Variants in FHL1 observed in about 807,000 individuals in gnomAD.
FHL1 encodes four and a half LIM domains protein 1.
A neutral mutation model predicts 20.3 loss-of-function variants in FHL1; 1 was observed. The observed-to-expected ratio is 0.05, with a 90% CI of 0.02 to 0.23. The LOEUF (loss-of-function observed/expected upper bound fraction) is 0.23. FHL1 is among the 10% of genes least tolerant of loss of function. The pLI, the probability that FHL1 is intolerant of heterozygous loss-of-function variation, is 1.00. For synonymous variants in FHL1, 82 were observed against 88.9 expected, an observed-to-expected ratio of 0.92 and a Z score of 0.44; for missense variants, 177 against 234.0, an observed-to-expected ratio of 0.76 and a Z score of 1.59.
At chrX:136,209,048 A>G in intron 5 of FHL1, 2 of 438,717 alleles carry the variant, frequency 4.6e-6, no homozygotes. Flanking sequence ...GCTAGTTCAG[A>G]GATGCCTGTT....
At chrX:136,174,388 T>A (rs2072948294) in intron 2 of FHL1, among the ~76,000 whole-genome samples, 1 of 111,697 alleles carries the variant, frequency 9.0e-6, no homozygotes, top group Non-Finnish European at 1.9e-5. Context: ...ACTTTGGTGC[T>A]TCTCACACTT....
upstream of FHL1, chrX:136,196,616 C>A (rs1050203642): frequency 2.4e-6 from 1 of 422,570 alleles, no homozygotes; most frequent in Non-Finnish European, 4.1e-6. Flanking sequence ...TTCATACTGT[C>A]TAATCTCCTT....
chrX:136,175,184 C>T (rs928248850), intron 2 of FHL1, among the ~76,000 whole-genome samples: 1 of 112,187 alleles, frequency 8.9e-6, no homozygotes, highest in Non-Finnish European at 1.9e-5. Flanking sequence ...GGGTAAAAGA[C>T]ACTCAAGTTA....
upstream of FHL1, chrX:136,196,768 C>T (rs758746511): frequency 3.5e-6 from 4 of 1,150,315 alleles, no homozygotes; most frequent in South Asian, 7.9e-5. Context: ...TTAAGCTATG[C>T]CAGAGCCGAG....
chrX:136,161,161 G>T (rs1603245830), intron 1 of FHL1, among the ~76,000 whole-genome samples: 2 of 111,711 alleles, frequency 1.8e-5, no homozygotes, highest in Admixed American at 1.9e-4. Flanking sequence ...TGGAAGGATT[G>T]GGGAGGTATA....
chrX:136,208,647 C>T lies in FHL1; in HGVS notation c.736+6C>T. 8.3e-7 allele frequency: 1 copy of T among 1,204,135 alleles called. No individual in the cohort carries two copies. The highest frequency in any genetic ancestry group is 1.1e-6 in the Non-Finnish European group (1 of 889,416). On this transcript the variant is annotated splice_donor_region_variant and intron_variant, in intron 5 of 5. Coordinates refer to ENST00000370683, the MANE Select transcript of FHL1 (RefSeq NM_001159699.2). ...ATGCAAGAACCCCATCACTGGTAGG[C>T]TAAAGAGTCCTTGCTAAGTCTGCCA... is the stretch of plus-strand genomic sequence containing the variant.
chrX:136,176,021 C>T (rs1052698280), intron 2 of FHL1, among the ~76,000 whole-genome samples: 2 of 112,115 alleles, frequency 1.8e-5, no homozygotes, highest in African/African-American at 3.2e-5. Context: ...GGTTCCAGTG[C>T]TCTAGTTCCT....
At chrX:136,157,157 A>C (rs969816405) in intron 1 of FHL1, among the ~76,000 whole-genome samples, 1 of 111,667 alleles carries the variant, frequency 9.0e-6, no homozygotes, top group Admixed American at 9.6e-5. Flanking sequence ...TTTCACCTAC[A>C]ACAATGAAAA....
At chrX:136,208,185 G>A (rs756105824) in intron 4 of FHL1, among the ~76,000 whole-genome samples, 4 of 112,246 alleles carry the variant, frequency 3.6e-5, no homozygotes, top group East Asian at 5.6e-4. Context: ...CGGGTGGCCC[G>A]TATGGCATGC....
intron 1 of FHL1, among the ~76,000 whole-genome samples, chrX:136,164,629 G>A (rs572722215): frequency 3.6e-5 from 4 of 111,564 alleles, no homozygotes; most frequent in African/African-American, 1.3e-4. Context: ...ATCCAGAAAT[G>A]GCTCACAGAA....
chrX:136,152,601 C>G (rs915305553), intron 1 of FHL1, among the ~76,000 whole-genome samples: 2 of 109,244 alleles, frequency 1.8e-5, no homozygotes, highest in Non-Finnish European at 3.8e-5. Flanking sequence ...TGCCTGTAAT[C>G]CCAGCTACTC....
At chrX:136,151,570 G>A (rs1226819017) in intron 1 of FHL1, among the ~76,000 whole-genome samples, 4 of 111,611 alleles carry the variant, frequency 3.6e-5, no homozygotes, top group African/African-American at 9.8e-5. Flanking sequence ...AGAATTAGCC[G>A]GGTGTGGTGG....
At chrX:136,171,782 G>A (rs750509054) in intron 2 of FHL1, among the ~76,000 whole-genome samples, 97 of 112,101 alleles carry the variant, frequency 8.7e-4, no homozygotes, top group African/African-American at 2.8e-3. Context: ...ACCAAAACTT[G>A]GTATCCTTGG....
At chrX:136,165,164 C>T (rs968235117), upstream of FHL1, among the ~76,000 whole-genome samples, 6 of 111,604 alleles carry the variant, frequency 5.4e-5, no homozygotes, top group Admixed American at 9.6e-5. Flanking sequence ...TGGTAATATC[C>T]TTCCAGTTTT....
At chrX:136,160,296 T>A (rs1041615740) in intron 1 of FHL1, among the ~76,000 whole-genome samples, 2 of 111,841 alleles carry the variant, frequency 1.8e-5, no homozygotes, top group Non-Finnish European at 3.8e-5. Context: ...AAGCACTGTG[T>A]ATCTTGAAGT....
chrX:136,163,199 A>C (rs931422408), intron 1 of FHL1, among the ~76,000 whole-genome samples: 2 of 112,432 alleles, frequency 1.8e-5, no homozygotes, highest in African/African-American at 6.5e-5. Context: ...TGAAAACCGT[A>C]GCAGGCACCC....
intron 1 of FHL1, 143 bp downstream of exon 1, chrX:136,197,277 C>A (rs1569529788): frequency 1.8e-6 from 1 of 546,012 alleles, no homozygotes; most frequent in Non-Finnish European, 3.0e-6. Context: ...CTCTGTTTTG[C>A]CTTTGCCTTT....
In FHL1 at chrX:136,210,751, G is replaced by A. The variant is rs1410318631; in HGVS notation, c.*726G>A. ...AACGAGCCTGTTTCAGAGGAACATC[G>A]TCACAACGAATACTTCTGGAAGCTT... On this transcript the variant is annotated 3_prime_UTR_variant, in exon 6 of 6. Coordinates refer to ENST00000370683, the MANE Select transcript of FHL1 (RefSeq NM_001159699.2). 2.3e-5 allele frequency: 9 copies of A among 386,898 alleles called. No homozygotes were observed. The highest frequency in any genetic ancestry group is 7.3e-4 in the Middle Eastern group (1 of 1,371). The allele number at this position is 386,898 out of a possible 1,213,427, so 31.9% of individuals were successfully genotyped here. A position where few individuals can be genotyped will look rare whatever the true frequency, so the allele number is the denominator to read the frequency against.
upstream of FHL1, among the ~76,000 whole-genome samples, chrX:136,193,449 T>C (rs73633449): frequency 4.3e-3 from 488 of 112,230 alleles, 2 homozygotes; most frequent in African/African-American, 0.015. Flanking sequence ...GTGATTCTAC[T>C]GTAATCTTAC....
Sources: gnomAD v4.1 joint callset for allele counts (sites outside exome capture counted in the v4.1 genomes callset) on GRCh38, gnomAD v4.1.1 for gene constraint, MANE v1.5 for transcripts, NCBI Gene and HGNC (gene_info 2026-07-23, HGNC 2026-07-21) for gene names.